CHD9: variants seen among roughly 807,000 people sequenced by gnomAD.
The protein encoded by CHD9 is chromodomain helicase DNA binding protein 9.
Under a neutral mutation model 316.1 loss-of-function variants are expected in CHD9, and 77 were observed. The ratio of observed to expected loss-of-function variants is 0.24; its 90% CI spans 0.20 to 0.29. The LOEUF (loss-of-function observed/expected upper bound fraction) is 0.29. Ranked by LOEUF, CHD9 falls within the 10% of genes least tolerant of loss-of-function variation. The pLI is 1.00. For missense variants in CHD9, 2,763 were observed against 3,438.1 expected, an observed-to-expected ratio of 0.80 and a Z score of 4.91; for synonymous variants, 1,129 against 1,158.3, an observed-to-expected ratio of 0.97 and a Z score of 0.51.
intron 1 of CHD9, among the ~76,000 whole-genome samples, chr16:53,099,548 C>G (rs1281126011): frequency 6.6e-6 from 1 of 152,104 alleles, no homozygotes; most frequent in Middle Eastern, 3.2e-3. Flanking sequence ...TTAGATAGGT[C>G]ACCAGAGGTC....
intron 24 of CHD9, among the ~76,000 whole-genome samples, chr16:53,282,244 C>T (rs1264974090): frequency 6.6e-6 from 1 of 152,178 alleles, no homozygotes. Flanking sequence ...ACACTTAATG[C>T]TTTTGGACCC....
chr16:53,083,500 C>T (rs2035206128), intron 1 of CHD9, among the ~76,000 whole-genome samples: 2 of 152,188 alleles, frequency 1.3e-5, no homozygotes, highest in Admixed American at 1.3e-4. Flanking sequence ...TAGATTTCTG[C>T]ACCATTCCAT....
At chr16:53,229,931 A>G (rs2048021951) in intron 8 of CHD9, among the ~76,000 whole-genome samples, 1 of 152,142 alleles carries the variant, frequency 6.6e-6, no homozygotes, top group Admixed American at 6.6e-5. Context: ...TTTATAACAA[A>G]AAGAGAGTGT....
At chr16:53,111,072 A>C (rs991065001) in intron 1 of CHD9, among the ~76,000 whole-genome samples, 1 of 152,216 alleles carries the variant, frequency 6.6e-6, no homozygotes, top group African/African-American at 2.4e-5. Context: ...TAGTCCTGGC[A>C]GAATGGAAGA....
chr16:53,244,565 A>G lies in CHD9; in HGVS notation c.3055-771A>G, dbSNP rs188757883. On this transcript the variant is annotated intron_variant, in intron 13 of 38. Transcript: ENST00000447540. ...TGATTTGATAATTCATTCATGTTTA[A>G]AGAGTTAAATGATGATCATCCAAAT... is the stretch of plus-strand genomic sequence containing the variant. Among the ~76,000 whole-genome samples, 514 of 152,290 alleles carry G rather than the reference A, an allele frequency of 3.4e-3. 1 individual carries two copies. Among genetic ancestry groups the G allele is most frequent in the African/African-American group, 0.012 (481 of 41,562 alleles).
chr16:53,293,048 C>A lies in CHD9; in HGVS notation c.5506C>A (p.Gln1836Lys), dbSNP rs1490198869. 3 of 1,609,466 alleles carry A rather than the reference C, an allele frequency of 1.9e-6. No individual in the cohort carries two copies. The African/African-American group carries it at 4.0e-5, about 21-fold the overall frequency. Reference sequence around the variant, plus strand: ...AATGGCAGCCAAGATAGAAAGACAGCAAAGGTAAGACAATAACACTAAATT... The same window carrying A: ...AATGGCAGCCAAGATAGAAAGACAGAAAAGGTAAGACAATAACACTAAATT... Reference protein sequence around the residue: ...PKMAAKIERQQRWTRREEADF... With the variant: ...PKMAAKIERQKRWTRREEADF... Residue 1836 changes from glutamine (Q) to lysine (K), a missense_variant, in exon 29 of 39, where the codon CAA (glutamine) becomes AAA (lysine). Transcript: ENST00000447540.
intron 19 of CHD9, 26 bp downstream of exon 19, chr16:53,255,805 C>T: frequency 2.5e-6 from 4 of 1,598,914 alleles, no homozygotes; most frequent in Non-Finnish European, 3.4e-6. Context: ...ATTTTATTAA[C>T]ATAGCAGTGA....
At chr16:53,084,592 A>C (rs1367637603) in intron 1 of CHD9, among the ~76,000 whole-genome samples, 1 of 152,116 alleles carries the variant, frequency 6.6e-6, no homozygotes, top group East Asian at 1.9e-4. Context: ...AAATACAAAA[A>C]ATTAGCCGGG....
intron 34 of CHD9, chr16:53,310,889 ATAT>A (rs995816774): frequency 6.8e-6 from 1 of 148,062 alleles, no homozygotes; most frequent in African/African-American, 2.5e-5. Context: ...AATAATAATA[ATAT>A]CAATAGTAAT....
Position 53,226,415 on chromosome 16 carries a change from T to G in CHD9, c.1946T>G (p.Ile649Arg). 2 of 1,599,938 alleles carry G rather than the reference T, an allele frequency of 1.3e-6. No individual in the cohort carries two copies. Among genetic ancestry groups the G allele is most frequent in the Non-Finnish European group, 1.7e-6 (2 of 1,174,650 alleles). Residue 649 changes from isoleucine to arginine, a missense_variant, in exon 5 of 39, where the codon ATA becomes AGA. Physicochemically the swap from Ile to Arg is moderately conservative, Grantham distance 97. Coordinates refer to ENST00000447540, the MANE Select transcript of CHD9 (RefSeq NM_001308319.2). ...AAAAGAAAAAAATACGCAGAAGATA[T>G]AGAAGGGAAGCAATCTGAAGAAGAG... ...QIKRKKYAED[I>R]EGKQSEEEVK...
At chr16:53,194,322 A>G (rs1056608011) in intron 2 of CHD9, among the ~76,000 whole-genome samples, 15 of 152,152 alleles carry the variant, frequency 9.9e-5, no homozygotes, top group Admixed American at 9.2e-4. Context: ...TCATGCCTAT[A>G]ATCCTAGTAC....
intron 1 of CHD9, among the ~76,000 whole-genome samples, chr16:53,154,625 T>G (rs990714876): frequency 2.0e-5 from 3 of 152,136 alleles, no homozygotes; most frequent in Non-Finnish European, 4.4e-5. Context: ...TAGATTCTTA[T>G]AAGGGAGCAC....
intron 38 of CHD9, among the ~76,000 whole-genome samples, chr16:53,323,335 G>T (rs968341805): frequency 3.3e-5 from 5 of 152,124 alleles, no homozygotes; most frequent in Admixed American, 1.3e-4. Flanking sequence ...TACATATGTG[G>T]CTTACATTGT....
chr16:53,305,954 G>A (rs932385266), intron 31 of CHD9, among the ~76,000 whole-genome samples: 7 of 152,154 alleles, frequency 4.6e-5, no homozygotes, highest in Non-Finnish European at 7.3e-5. Context: ...GAAGTCAGGC[G>A]TAGTGCACAC....
chr16:53,126,853 A>G (rs1195375877), intron 1 of CHD9, among the ~76,000 whole-genome samples: 1 of 151,658 alleles, frequency 6.6e-6, no homozygotes, highest in Non-Finnish European at 1.5e-5. Context: ...TAATTTTTGT[A>G]TTTTTAGTAG....
At chr16:53,217,911 C>T (rs375814888) in intron 3 of CHD9, among the ~76,000 whole-genome samples, 2 of 139,684 alleles carry the variant, frequency 1.4e-5, no homozygotes, top group South Asian at 2.4e-4. Flanking sequence ...GGCTTATACT[C>T]TTTTCTTTCT....
intron 1 of CHD9, among the ~76,000 whole-genome samples, chr16:53,079,274 T>C (rs1411563826): frequency 6.6e-6 from 1 of 152,210 alleles, no homozygotes; most frequent in Non-Finnish European, 1.5e-5. Flanking sequence ...AAATGCATGG[T>C]AAGCTGTGGT....
At chr16:53,152,154 C>T (rs1201965857) in intron 1 of CHD9, among the ~76,000 whole-genome samples, 1 of 152,150 alleles carries the variant, frequency 6.6e-6, no homozygotes, top group Non-Finnish European at 1.5e-5. Flanking sequence ...TTCATTTAGA[C>T]ACTTTTCAAA....
intron 4 of CHD9, among the ~76,000 whole-genome samples, chr16:53,224,432 C>G (rs796525497): frequency 5.9e-5 from 9 of 152,296 alleles, no homozygotes; most frequent in African/African-American, 1.9e-4. Context: ...TCTATAATCT[C>G]ATAATTCATA....
Sources: gnomAD v4.1 joint callset for allele counts (sites outside exome capture counted in the v4.1 genomes callset) on GRCh38, gnomAD v4.1.1 for gene constraint, MANE v1.5 for transcripts, NCBI Gene and HGNC (gene_info 2026-07-23, HGNC 2026-07-21) for gene names.